Variants in ZNF362 observed in about 807,000 individuals in gnomAD.
The protein encoded by ZNF362 is zinc finger protein 362.
A neutral mutation model predicts 42.9 loss-of-function variants in ZNF362; 11 were observed. The ratio of observed to expected loss-of-function variants is 0.26; its 90% CI spans 0.16 to 0.42. ZNF362 has a LOEUF of 0.42. ZNF362 is among the 20% of genes least tolerant of loss of function. The probability of loss-of-function intolerance (pLI) is 1.00; values close to 1 mark genes in which losing one functional copy is unlikely to be tolerated. For missense variants in ZNF362, 362 were observed against 576.2 expected, an observed-to-expected ratio of 0.63 and a Z score of 3.81; for synonymous variants, 255 against 257.3, an observed-to-expected ratio of 0.99 and a Z score of 0.09.
chr1:33,258,459 G>A (rs951041587), intron 1 of ZNF362, among the ~76,000 whole-genome samples: 1 of 152,178 alleles, frequency 6.6e-6, no homozygotes, highest in African/African-American at 2.4e-5. Context: ...CTGGGGTTAG[G>A]GGTTCAGGGC....
chr1:33,176,395 A>G, the ZNF362 span: 1 of 695,112 alleles, frequency 1.4e-6, no homozygotes, highest in East Asian at 2.7e-5. Context: ...CTGGATCACC[A>G]TACCCTGCCT....
chr1:33,176,182 A>G, the ZNF362 span, among the ~76,000 whole-genome samples: 2 of 152,256 alleles, frequency 1.3e-5, no homozygotes, highest in Non-Finnish European at 1.5e-5. Flanking sequence ...ATGCTACAAA[A>G]TAAAGTGCCT....
the ZNF362 span, among the ~76,000 whole-genome samples, chr1:33,140,449 G>C: frequency 6.6e-6 from 1 of 152,238 alleles, no homozygotes; most frequent in Non-Finnish European, 1.5e-5. The surrounding 1 kb of genome is among the most constrained non-coding windows in gnomAD (Gnocchi z 4.0). Context: ...CTTGGTCAGG[G>C]AGGGCCTTTG....
chr1:33,154,366 G>A, the ZNF362 span, among the ~76,000 whole-genome samples: 1 of 152,216 alleles, frequency 6.6e-6, no homozygotes, highest in East Asian at 1.9e-4. Flanking sequence ...GTCACAGCTC[G>A]GAGAGGCAGT....
At chr1:33,140,636 T>C in the ZNF362 span, among the ~76,000 whole-genome samples, 2 of 152,222 alleles carry the variant, frequency 1.3e-5, no homozygotes, top group African/African-American at 4.8e-5. This position sits in a 1 kb window ranked among gnomAD's most constrained non-coding sequence, Gnocchi z 4.0. Flanking sequence ...TCAGTCCCAA[T>C]GCTTTCACTT....
At chr1:33,213,690 T>A in the ZNF362 span, among the ~76,000 whole-genome samples, 1 of 151,632 alleles carries the variant, frequency 6.6e-6, no homozygotes, top group African/African-American at 2.4e-5. Flanking sequence ...ACTAAAAATA[T>A]AAAAATTAAC....
At chr1:33,158,254 T>C in the ZNF362 span, 1 of 1,613,684 alleles carries the variant, frequency 6.2e-7, no homozygotes, top group Non-Finnish European at 8.5e-7. Flanking sequence ...ATGCCTTACC[T>C]GGGTGGATGT....
At chr1:33,188,985 C>A in the ZNF362 span, among the ~76,000 whole-genome samples, 2 of 152,200 alleles carry the variant, frequency 1.3e-5, no homozygotes, top group African/African-American at 2.4e-5. Flanking sequence ...TTGCTCTTCA[C>A]GAGTCCCTGA....
upstream of ZNF362, among the ~76,000 whole-genome samples, chr1:33,255,389 CCT>C (rs1645779995): frequency 6.6e-6 from 1 of 152,218 alleles, no homozygotes; most frequent in African/African-American, 2.4e-5. Flanking sequence ...CTGTGCGCTC[CCT>C]GAGGGCAGGG....
At chr1:33,192,165 A>G in the ZNF362 span, among the ~76,000 whole-genome samples, 1 of 152,164 alleles carries the variant, frequency 6.6e-6, no homozygotes, top group African/African-American at 2.4e-5. Context: ...ATTTGACCCT[A>G]TCATTTTCCT....
chr1:33,241,598 A>G, the ZNF362 span, among the ~76,000 whole-genome samples: 2 of 152,332 alleles, frequency 1.3e-5, no homozygotes, highest in Admixed American at 6.5e-5. Flanking sequence ...CTCCTTGAAG[A>G]CTGGTGTATA....
At chr1:33,176,391 C>T in the ZNF362 span, 1 of 685,860 alleles carries the variant, frequency 1.5e-6, no homozygotes, top group African/African-American at 1.8e-5. Flanking sequence ...GTCACTGGAT[C>T]ACCATACCCT....
At chr1:33,256,020 G>C (rs1364451766), upstream of ZNF362, among the ~76,000 whole-genome samples, 1 of 151,582 alleles carries the variant, frequency 6.6e-6, no homozygotes, top group Non-Finnish European at 1.5e-5. Flanking sequence ...GGGGCCCCGG[G>C]AGCCCCCGCG....
the ZNF362 span, among the ~76,000 whole-genome samples, chr1:33,236,531 T>TTAAAAAAAAAAAA: frequency 2.4e-4 from 1 of 4,186 alleles, no homozygotes; most frequent in African/African-American, 4.0e-4. Context: ...CTCTGCCTCT[T>TTAAAAAAAAAAAA]AAAAAAAAAA....
At chr1:33,211,422 G>A in the ZNF362 span, among the ~76,000 whole-genome samples, 1 of 152,154 alleles carries the variant, frequency 6.6e-6, no homozygotes, top group Admixed American at 6.5e-5. Context: ...GCTCTTGTAA[G>A]GCAGGCCTGG....
the ZNF362 span, among the ~76,000 whole-genome samples, chr1:33,232,107 G>A: frequency 6.6e-6 from 1 of 152,072 alleles, no homozygotes; most frequent in Non-Finnish European, 1.5e-5. Flanking sequence ...TGGGGCATGA[G>A]TCACGATTGG....
chr1:33,192,382 A>C, the ZNF362 span, among the ~76,000 whole-genome samples: 1 of 152,170 alleles, frequency 6.6e-6, no homozygotes, highest in African/African-American at 2.4e-5. Flanking sequence ...TTGGCCGACA[A>C]ATTTTACAAT....
the ZNF362 span, among the ~76,000 whole-genome samples, chr1:33,183,425 G>A: frequency 2.6e-5 from 4 of 152,356 alleles, no homozygotes; most frequent in African/African-American, 9.6e-5. Flanking sequence ...TCATGCAACA[G>A]CAGTTTCTCA....
At chr1:33,273,554 G>A (rs1005550935) in intron 2 of ZNF362, among the ~76,000 whole-genome samples, 59 of 152,256 alleles carry the variant, frequency 3.9e-4, no homozygotes, top group African/African-American at 1.3e-3. Context: ...GCGAGGTGCA[G>A]TGGGCAGAGT....
Sources: allele counts gnomAD v4.1 joint callset (sites outside exome capture counted in the v4.1 genomes callset), GRCh38; gene constraint gnomAD v4.1.1; non-coding constraint Gnocchi (gnomAD v3.1); transcripts MANE v1.5; gene names NCBI Gene and HGNC (gene_info 2026-07-23, HGNC 2026-07-21).